HHAT: variants seen among roughly 807,000 people sequenced by gnomAD.
HHAT encodes hedgehog acyltransferase.
In HHAT, 47 loss-of-function variants were observed where a neutral mutation model predicts 70.8. The ratio of observed to expected loss-of-function variants is 0.66; its 90% confidence interval spans 0.53 to 0.85. The LOEUF is 0.85. Ranked by LOEUF, HHAT falls within the 40% of genes least tolerant of loss-of-function variation. The pLI, the probability that HHAT is intolerant of heterozygous loss-of-function variation, is 0.00. For missense variants in HHAT, 609 were observed against 604.8 expected, an observed-to-expected ratio of 1.01 and a Z score of -0.07; for synonymous variants, 228 against 247.6, an observed-to-expected ratio of 0.92 and a Z score of 0.74.
intron 11 of HHAT, among the ~76,000 whole-genome samples, chr1:210,633,997 G>C (rs543030136): frequency 6.6e-6 from 1 of 152,270 alleles, no homozygotes; most frequent in East Asian, 1.9e-4. Context: ...ATATTTTTTG[G>C]TTACATTTTT....
upstream of HHAT, chr1:210,328,834 C>G: frequency 2.4e-6 from 1 of 411,108 alleles, no homozygotes; most frequent in African/African-American, 2.1e-5. Flanking sequence ...CCCCCTGCAG[C>G]AGCACGGCCT....
chr1:210,656,198 T>C (rs1676376591), intron 11 of HHAT, among the ~76,000 whole-genome samples: 1 of 151,978 alleles, frequency 6.6e-6, no homozygotes, highest in African/African-American at 2.4e-5. Context: ...CTCATGGTCT[T>C]TTTCTAGGCT....
At position 210,550,921 on chromosome 1, in the gene HHAT, G is replaced by C. The variant is rs1004225016; in HGVS notation, c.1044-36977G>C. Among the ~76,000 whole-genome samples the C allele has an allele frequency of 2.0e-4, 21 of 107,106 alleles. 3 individuals carry two copies. Among genetic ancestry groups the C allele is most frequent in the African/African-American group, 6.1e-4 (19 of 30,952 alleles). 70.3% of individuals were successfully genotyped at this position (107,106 alleles called of 152,430 possible). ...GACCTTAAGTGATCCACCCACCTTG[G>C]CCTCCCAAAGCTCTAGGATTACAGG... On this transcript the variant is annotated intron_variant, in intron 9 of 11. Coordinates refer to ENST00000261458, the MANE Select transcript of HHAT (RefSeq NM_018194.6).
chr1:210,584,636 G>C (rs960818608), intron 9 of HHAT, among the ~76,000 whole-genome samples: 4 of 152,070 alleles, frequency 2.6e-5, no homozygotes, highest in Non-Finnish European at 5.9e-5. Context: ...TTGTGTCCTT[G>C]GCTCAGTGCC....
At chr1:210,329,491 A>C in intron 1 of HHAT, 1 of 1,012,840 alleles carries the variant, frequency 9.9e-7, no homozygotes, top group Non-Finnish European at 1.2e-6. Context: ...AAAGTTAGAG[A>C]CTTCCTTTGC....
At chr1:210,381,953 C>T (rs1246428656) in intron 3 of HHAT, among the ~76,000 whole-genome samples, 5 of 152,074 alleles carry the variant, frequency 3.3e-5, no homozygotes, top group East Asian at 3.9e-4. Context: ...ATTAGCTATG[C>T]GTTTGTGTTG....
chr1:210,508,103 G>A (rs555034105), intron 8 of HHAT, among the ~76,000 whole-genome samples: 80 of 147,938 alleles, frequency 5.4e-4, no homozygotes, highest in African/African-American at 2.0e-3. Flanking sequence ...GGAGGCTGAG[G>A]CAAGAGAATT....
chr1:210,347,647 C>T (rs1465813046), intron 1 of HHAT, among the ~76,000 whole-genome samples: 2 of 152,114 alleles, frequency 1.3e-5, no homozygotes, highest in Non-Finnish European at 2.9e-5. Context: ...GTCATGGCTG[C>T]CATGATGGAG....
intron 11 of HHAT, among the ~76,000 whole-genome samples, chr1:210,637,005 A>G (rs147856050): frequency 2.0e-5 from 3 of 152,182 alleles, no homozygotes; most frequent in African/African-American, 7.2e-5. Context: ...CCTCTCTACT[A>G]CTCAAATTCC....
chr1:210,535,155 G>A (rs756370079), intron 9 of HHAT, among the ~76,000 whole-genome samples: 1 of 152,184 alleles, frequency 6.6e-6, no homozygotes, highest in East Asian at 1.9e-4. Flanking sequence ...CCTGAGGAAG[G>A]CCACTGTTAT....
intron 10 of HHAT, among the ~76,000 whole-genome samples, chr1:210,602,969 G>A (rs2148823839): frequency 6.6e-6 from 1 of 152,258 alleles, no homozygotes; most frequent in South Asian, 2.1e-4. Context: ...GTTTAGTATG[G>A]CGAAAGCATT....
chr1:210,400,754 A>G (rs1191664869), intron 5 of HHAT, 92 bp downstream of exon 5: 6 of 1,211,232 alleles, frequency 5.0e-6, no homozygotes, highest in Non-Finnish European at 6.9e-6. Flanking sequence ...CAGACAAGAG[A>G]TGATTGTAGA....
At chr1:210,553,815 T>C (rs1278679332) in intron 9 of HHAT, among the ~76,000 whole-genome samples, 2 of 152,144 alleles carry the variant, frequency 1.3e-5, no homozygotes, top group African/African-American at 4.8e-5. Context: ...TTCCCACCTC[T>C]TCCTCTCCCT....
At chr1:210,668,940 A>T (rs1679504401) in intron 11 of HHAT, among the ~76,000 whole-genome samples, 1 of 151,814 alleles carries the variant, frequency 6.6e-6, no homozygotes, top group Non-Finnish European at 1.5e-5. Context: ...CACCCCGCTA[A>T]TTTTTTGTAT....
rs541795412 is a variant in HHAT, at chr1:210,336,287, ATTTTTTT to A, written c.-44+7200_-44+7206del. On this transcript the variant is annotated intron_variant, in intron 1 of 11. Coordinates refer to ENST00000261458, the MANE Select transcript of HHAT (RefSeq NM_018194.6). ...AGGCATGCACCACTGTGCCTGGCTAATTTTTTTTTTTTTTTTTTTTTTTAGAGACAGG... is the reference window on the plus strand; with the variant it reads ...AGGCATGCACCACTGTGCCTGGCTAATTTTTTTTTTTTTTTTAGAGACAGG... Among the ~76,000 whole-genome samples, 81 of 84,608 alleles carry A rather than the reference ATTTTTTT, an allele frequency of 9.6e-4. 6 individuals are homozygous for A. The South Asian group carries it at 0.033, about 34-fold the overall frequency. The allele number at this position is 84,608 out of a possible 152,430, so 55.5% of individuals were successfully genotyped here.
intron 3 of HHAT, among the ~76,000 whole-genome samples, chr1:210,376,112 G>A (rs2090194182): frequency 6.9e-6 from 1 of 144,324 alleles, no homozygotes; most frequent in Non-Finnish European, 1.5e-5. Flanking sequence ...TGATCCACCT[G>A]CCTCGGCCTC....
At chr1:210,643,132 C>T (rs1673302948) in intron 11 of HHAT, among the ~76,000 whole-genome samples, 1 of 152,208 alleles carries the variant, frequency 6.6e-6, no homozygotes, top group Non-Finnish European at 1.5e-5. Flanking sequence ...GTACTACAGC[C>T]TTTGTCATAA....
chr1:210,578,630 T>C (rs954843043), intron 9 of HHAT, among the ~76,000 whole-genome samples: 2 of 152,216 alleles, frequency 1.3e-5, no homozygotes, highest in Non-Finnish European at 2.9e-5. Flanking sequence ...CAATGTAATA[T>C]TATTCAGCCT....
At position 210,609,063 on chromosome 1, in the gene HHAT, A is replaced by G. The variant is rs186997762; in HGVS notation, c.1246-14463A>G. Reference sequence around the variant, plus strand: ...TGGGGGAAACTAGCCCCATGACTCAATGACCTCCACCTGGTCTCTTCTTTG... The same window carrying G: ...TGGGGGAAACTAGCCCCATGACTCAGTGACCTCCACCTGGTCTCTTCTTTG... On this transcript the variant is annotated intron_variant, in intron 10 of 11. Transcript: ENST00000261458. Among the ~76,000 whole-genome samples, 13 of 152,300 alleles carry G rather than the reference A, an allele frequency of 8.5e-5. No individual in the cohort carries two copies. The South Asian group carries it at 1.0e-3, about 12-fold the overall frequency.
Sources: gnomAD v4.1 joint callset for allele counts (sites outside exome capture counted in the v4.1 genomes callset) on GRCh38, gnomAD v4.1.1 for gene constraint, MANE v1.5 for transcripts, NCBI Gene and HGNC (gene_info 2026-07-23, HGNC 2026-07-21) for gene names.